Variants in ZNF525 observed in about 807,000 individuals in gnomAD.
ZNF525 encodes the protein zinc finger protein 525.
ZNF525 carries 33 observed loss-of-function variants against 37.6 expected under a neutral mutation model. The ratio of observed to expected loss-of-function variants is 0.88; its 90% CI spans 0.67 to 1.17. The LOEUF is 1.17. Among genes scored for constraint, ZNF525 ranks in the 50% most tolerant of loss-of-function variants. The pLI is 0.00. For missense variants in ZNF525, 449 were observed against 543.1 expected (o/e 0.83, Z 1.72); for synonymous variants, 170 against 182.3 (o/e 0.93, Z 0.54).
intron 3 of ZNF525, 149 bp downstream of exon 3, chr19:53,376,045 T>C (rs1265898396): frequency 1.3e-6 from 2 of 1,524,304 alleles, no homozygotes; most frequent in Non-Finnish European, 1.8e-6. Flanking sequence ...ATTCCTGGGC[T>C]CAAGTGATTG....
chr19:53,372,383 T>A (rs1352105970), intron 2 of ZNF525, 87 bp downstream of exon 2: 9 of 739,986 alleles, frequency 1.2e-5, no homozygotes, highest in Admixed American at 5.6e-5. Context: ...AGTCTGAAGC[T>A]TCCTGCCTGA....
In ZNF525 at chr19:53,383,419, A is replaced by C. The variant is rs1376151646; in HGVS notation, c.*1400A>C. 10 of 1,069,082 alleles carry C rather than the reference A, an allele frequency of 9.4e-6. No homozygotes were observed. Among genetic ancestry groups the C allele is most frequent in the Non-Finnish European group, 1.4e-5 (10 of 725,058 alleles). The allele number at this position is 1,069,082 out of a possible 1,614,324, so 66.2% of individuals were successfully genotyped here. A position where few individuals can be genotyped will look rare whatever the true frequency, so the allele number is the denominator to read the frequency against. On this transcript the variant is annotated 3_prime_UTR_variant, in exon 4 of 4. Coordinates refer to ENST00000474037, the MANE Select transcript of ZNF525 (RefSeq NM_001348156.2). Reference sequence around the variant, plus strand: ...CCTTAGAAATGTGAAGAATGTGACAAAGTTTACAGTCGCAAATCAAACCTC... The same window carrying C: ...CCTTAGAAATGTGAAGAATGTGACACAGTTTACAGTCGCAAATCAAACCTC...
intron 1 of ZNF525, among the ~76,000 whole-genome samples, chr19:53,369,866 A>T (rs1482976140): frequency 7.1e-6 from 1 of 140,208 alleles, no homozygotes; most frequent in Non-Finnish European, 1.5e-5. Flanking sequence ...CTGGGACTAC[A>T]GGCGCCCGCC....
At position 53,381,054 on chromosome 19, in the gene ZNF525, A is replaced by G. The variant is rs2085556906; in HGVS notation, c.475A>G (p.Lys159Glu). The part of the protein sequence containing the change: ...SELHIFQPKG[K>E]INNQVEKSIN... ...ACTCCACATATTTCAGCCCAAAGGG[A>G]AAATTAATAATCAAGTGGAGAAGTC... Residue 159 changes from lysine (K) to glutamate (E), a missense_variant, in exon 4 of 4, where the codon AAA (lysine) becomes GAA (glutamate). By Grantham distance (56) the Lys-to-Glu change is moderately conservative. Around this residue, in one of 2 missense-constraint regions of ZNF525, gnomAD observed 271 missense variants for 381.6 expected, o/e 0.71. Coordinates refer to ENST00000474037, the MANE Select transcript of ZNF525 (RefSeq NM_001348156.2). The G allele has an allele frequency of 6.5e-7, 1 of 1,529,632 alleles. No homozygotes were observed. Among genetic ancestry groups the G allele is most frequent in the African/African-American group, 1.4e-5 (1 of 73,146 alleles). The allele number at this position is 1,529,632 out of a possible 1,614,324, so 94.8% of individuals were successfully genotyped here. A position where few individuals can be genotyped will look rare whatever the true frequency, so the allele number is the denominator to read the frequency against.
At chr19:53,369,702 G>A (rs1028038495) in intron 1 of ZNF525, among the ~76,000 whole-genome samples, 1 of 138,602 alleles carries the variant, frequency 7.2e-6, no homozygotes, top group Non-Finnish European at 1.5e-5. Context: ...ACAGAACCTT[G>A]CAAAAGAAGT....
chr19:53,380,016 TAAA>T (rs199759507), intron 3 of ZNF525, among the ~76,000 whole-genome samples: 1 of 149,198 alleles, frequency 6.7e-6, no homozygotes, highest in Admixed American at 6.7e-5. Flanking sequence ...AATACAAAAA[TAAA>T]AAAAAAATTT....
At chr19:53,367,821 AT>A (rs75280177) in intron 1 of ZNF525, among the ~76,000 whole-genome samples, 4,220 of 152,244 alleles carry the variant, frequency 0.028, 153 homozygotes, top group East Asian at 0.18. Context: ...GGTAGATGGC[AT>A]TTCTCATTTT....
At chr19:53,367,522 A>C (rs1316162173) in intron 1 of ZNF525, among the ~76,000 whole-genome samples, 1 of 152,180 alleles carries the variant, frequency 6.6e-6, no homozygotes, top group Non-Finnish European at 1.5e-5. Context: ...GTTCTTAACA[A>C]GGAGAGGTAA....
intron 2 of ZNF525, among the ~76,000 whole-genome samples, chr19:53,375,320 A>T (rs1185210392): frequency 1.3e-5 from 2 of 152,168 alleles, no homozygotes; most frequent in African/African-American, 4.8e-5. Context: ...AGGGCCCAGA[A>T]TTGGGCCTGC....
In ZNF525 at chr19:53,380,730, TC is replaced by T; in HGVS notation, c.153del (p.Lys52AsnfsTer4). The T allele has an allele frequency of 8.2e-7, 1 of 1,213,052 alleles. No homozygotes were observed. The highest frequency in any genetic ancestry group is 1.3e-5 in the South Asian group (1 of 78,634). The allele number at this position is 1,213,052 out of a possible 1,614,324, so 75.1% of individuals were successfully genotyped here. A position where few individuals can be genotyped will look rare whatever the true frequency, so the allele number is the denominator to read the frequency against. The stretch of plus-strand genomic sequence containing the variant: ...GTGTTTATATTTTGTAGGTATCTCT[TC>T]CAAATGCACAATGAAGGAGTTCTCA... ...YRNLVSLGISSKCTMKEFSST... is the reference protein window; with the variant it reads ...YRNLVSLGISXKCTMKEFSST... On this transcript the variant is annotated frameshift_variant, in exon 4 of 4. Transcript: ENST00000474037. LOFTEE classifies it high-confidence loss of function.
In ZNF525 at chr19:53,371,198, C is replaced by CTT. The variant is rs1243106422; in HGVS notation, c.-67-1000_-67-999dup. On this transcript the variant is annotated intron_variant, in intron 1 of 3. Transcript: ENST00000474037. Reference sequence around the variant, plus strand: ...CTCTGCATCAATCACATCAGAAACGCTTTTTTTTTTTTTTTTTTAGACAGA... The same window carrying CTT: ...CTCTGCATCAATCACATCAGAAACGCTTTTTTTTTTTTTTTTTTTTAGACAGA... Among the ~76,000 whole-genome samples the CTT allele has an allele frequency of 3.1e-3, 384 of 123,552 alleles. 7 individuals are homozygous for CTT. In the East Asian group the frequency reaches 0.032, roughly 10 times the overall value. 81.1% of individuals were successfully genotyped at this position (123,552 alleles called of 152,430 possible). A position where few individuals can be genotyped will look rare whatever the true frequency, so the allele number is the denominator to read the frequency against.
In ZNF525 at chr19:53,381,956, A is replaced by G. The variant is rs1244597348; in HGVS notation, c.1377A>G (p.Arg459=). The change falls in exon 4 of 4, where the codon AGA becomes AGG. Residue 459 remains arginine (R), a synonymous_variant. Transcript: ENST00000474037. ...SQELSLTCHC[R]LHSGEKPCKC... is the part of the protein sequence containing the mutation. ...AGTTATCCCTTACCTGCCATTGTAG[A>G]CTTCATAGTGGAGAGAAACCTTGCA... is the stretch of plus-strand genomic sequence containing the variant. 3.0e-6 allele frequency: 3 copies of G among 1,005,418 alleles called. No homozygotes were observed. Among genetic ancestry groups the G allele is most frequent in the South Asian group, 1.3e-5 (1 of 78,128 alleles). The allele number at this position is 1,005,418 out of a possible 1,614,324, so 62.3% of individuals were successfully genotyped here. A position where few individuals can be genotyped will look rare whatever the true frequency, so the allele number is the denominator to read the frequency against.
At chr19:53,373,986 G>A (rs981282691) in intron 2 of ZNF525, among the ~76,000 whole-genome samples, 1 of 152,076 alleles carries the variant, frequency 6.6e-6, no homozygotes, top group Admixed American at 6.6e-5. Context: ...GAGCTCAAGC[G>A]ATTCTCCTGC....
chr19:53,382,884 C>T lies in ZNF525; in HGVS notation c.*865C>T. 2 of 1,407,550 alleles carry T rather than the reference C, an allele frequency of 1.4e-6. No individual in the cohort carries two copies. Among genetic ancestry groups the T allele is most frequent in the Non-Finnish European group, 2.0e-6 (2 of 1,001,402 alleles). 87.2% of individuals were successfully genotyped at this position (1,407,550 alleles called of 1,614,324 possible). A position where few individuals can be genotyped will look rare whatever the true frequency, so the allele number is the denominator to read the frequency against. ...CTTGAAAGTCATAGGAGAATTCATA[C>T]TAGAGAGAAACCTTACAAGTGTAAT... On this transcript the variant is annotated 3_prime_UTR_variant, in exon 4 of 4. Coordinates refer to ENST00000474037, the MANE Select transcript of ZNF525 (RefSeq NM_001348156.2).
chr19:53,376,221 G>A (rs1267449932), intron 3 of ZNF525: 5 of 713,714 alleles, frequency 7.0e-6, no homozygotes, highest in Non-Finnish European at 1.3e-5. Context: ...TGGGATTACA[G>A]GCGCCAACCC....
Position 53,386,522 on chromosome 19 carries a change from A to G in ZNF525, c.*4503A>G. On this transcript the variant is annotated 3_prime_UTR_variant, in exon 4 of 4. Coordinates refer to ENST00000474037, the MANE Select transcript of ZNF525 (RefSeq NM_001348156.2). ...ATTGGGAATATGTTTTTTCTCTGTA[A>G]ATTTGTTATAAACGCATTGGTTGGC... The G allele has an allele frequency of 1.8e-6, 1 of 549,540 alleles. No homozygotes were observed. The highest frequency in any genetic ancestry group is 3.3e-6 in the Non-Finnish European group (1 of 301,334). The allele number at this position is 549,540 out of a possible 1,614,324, so 34.0% of individuals were successfully genotyped here. A position where few individuals can be genotyped will look rare whatever the true frequency, so the allele number is the denominator to read the frequency against.
At chr19:53,375,257 C>T (rs1205282671) in intron 2 of ZNF525, among the ~76,000 whole-genome samples, 1 of 152,164 alleles carries the variant, frequency 6.6e-6, no homozygotes, top group African/African-American at 2.4e-5. Context: ...TACTCTGTCT[C>T]ATCTAGATAC....
chr19:53,366,280 G>A (rs1030721257), intron 1 of ZNF525, among the ~76,000 whole-genome samples: 2 of 112,644 alleles, frequency 1.8e-5, no homozygotes, highest in African/African-American at 5.0e-5. Context: ...AGCTTGCCCT[G>A]AGCCTGCGTT....
At chr19:53,370,435 C>T (rs1034761111) in intron 1 of ZNF525, among the ~76,000 whole-genome samples, 9 of 142,956 alleles carry the variant, frequency 6.3e-5, no homozygotes, top group African/African-American at 1.8e-4. Flanking sequence ...AAAAAAAGAA[C>T]AGGCACACCT....
Sources: allele counts gnomAD v4.1 joint callset (sites outside exome capture counted in the v4.1 genomes callset), GRCh38; gene constraint gnomAD v4.1.1; regional missense constraint gnomAD v4.1.1; transcripts MANE v1.5; gene names NCBI Gene and HGNC (gene_info 2026-07-23, HGNC 2026-07-21).